REPS1: variants seen among roughly 807,000 people sequenced by gnomAD.
REPS1 encodes ralBP1-associated Eps domain-containing protein 1.
Under a neutral mutation model 100.9 loss-of-function variants are expected in REPS1, and 39 were observed. The ratio of observed to expected loss-of-function variants is 0.39; its 90% CI spans 0.30 to 0.50. The LOEUF is 0.50. Among genes scored for constraint, REPS1 ranks in the 20% least tolerant of loss-of-function variants. REPS1 has a pLI of 0.86. For missense variants in REPS1, 821 were observed against 968.5 expected, an observed-to-expected ratio of 0.85 and a Z score of 2.02; for synonymous variants, 324 against 340.3, an observed-to-expected ratio of 0.95 and a Z score of 0.53.
chr6:138,984,012 A>G (rs1785102615), intron 1 of REPS1, among the ~76,000 whole-genome samples: 1 of 152,044 alleles, frequency 6.6e-6, no homozygotes, highest in South Asian at 2.1e-4. Flanking sequence ...ATTCTCACCA[A>G]AACACTGCCA....
intron 13 of REPS1, 114 bp from the exon 14 acceptor site, chr6:138,916,090 C>T (rs1312380838): frequency 8.9e-6 from 7 of 790,564 alleles, no homozygotes; most frequent in African/African-American, 6.9e-5. Context: ...GACATTTTCT[C>T]AACACTCAAG....
At position 138,941,486 on chromosome 6, in the gene REPS1, T is replaced by C; in HGVS notation, c.984A>G (p.Glu328=). Residue 328 remains glutamate (E), a synonymous_variant, in exon 8 of 20, where the codon GAA becomes GAG. Transcript: ENST00000450536. ...CACCATCTTTATCAAAGTCTGAGAG[T>C]TCCCTAGAAGATAAGTTTATTGTGA... is the stretch of plus-strand genomic sequence containing the variant. ...LPILELSHIW[E]LSDFDKDGAL... is the part of the protein sequence containing the mutation. 1.2e-6 allele frequency: 2 copies of C among 1,613,080 alleles called. No individual in the cohort carries two copies. The highest frequency in any genetic ancestry group is 1.7e-6 in the Non-Finnish European group (2 of 1,179,314).
intron 1 of REPS1, among the ~76,000 whole-genome samples, chr6:138,959,028 A>G (rs1783573362): frequency 6.6e-6 from 1 of 152,184 alleles, no homozygotes; most frequent in South Asian, 2.1e-4. Context: ...AGGGCCCAAT[A>G]AACGGCAGAG....
intron 10 of REPS1, among the ~76,000 whole-genome samples, chr6:138,925,000 T>C (rs1417716554): frequency 2.0e-5 from 3 of 152,192 alleles, no homozygotes. Context: ...TCTGTTTGAA[T>C]TCAATAAATG....
intron 9 of REPS1, chr6:138,927,606 TTTAAG>T (rs1781219029): frequency 6.6e-6 from 1 of 152,168 alleles, no homozygotes; most frequent in South Asian, 2.1e-4. Context: ...AATAGTGACA[TTTAAG>T]TTGAGAAGAT....
Position 138,907,627 on chromosome 6 carries a change from C to A in REPS1, c.2217-27G>T, listed in dbSNP as rs199867847. ...TGAGAAGATAAAGAAGGCAAAAAAA[C>A]CCATAACCTTCATTTCTTATCTTAA... On this transcript the variant is annotated intron_variant, in intron 18 of 19. Coordinates refer to ENST00000450536, the MANE Select transcript of REPS1 (RefSeq NM_001286611.2). 2.2e-4 allele frequency: 305 copies of A among 1,363,980 alleles called. No homozygotes were observed. In the African/African-American group the frequency reaches 3.8e-3, roughly 17 times the overall value. 84.5% of individuals were successfully genotyped at this position (1,363,980 alleles called of 1,614,324 possible). A position where few individuals can be genotyped will look rare whatever the true frequency, so the allele number is the denominator to read the frequency against.
intron 9 of REPS1, 21 bp from the exon 10 acceptor site, chr6:138,926,502 C>T (rs530979480): frequency 1.3e-6 from 2 of 1,554,324 alleles, no homozygotes; most frequent in South Asian, 2.3e-5. Context: ...AGAGGAGAGA[C>T]AAGTCAGCAT....
At chr6:138,972,176 T>C (rs1380067129) in intron 1 of REPS1, among the ~76,000 whole-genome samples, 3 of 152,088 alleles carry the variant, frequency 2.0e-5, no homozygotes, top group Non-Finnish European at 4.4e-5. Flanking sequence ...GTGAAGTTGT[T>C]CAAATTAATT....
intron 1 of REPS1, among the ~76,000 whole-genome samples, chr6:138,979,498 CT>C (rs1784812925): frequency 6.6e-6 from 1 of 151,992 alleles, no homozygotes; most frequent in Non-Finnish European, 1.5e-5. Flanking sequence ...CCTCAAATCA[CT>C]CAAATCTGGC....
At chr6:138,965,970 T>C (rs1783996934) in intron 1 of REPS1, among the ~76,000 whole-genome samples, 1 of 152,180 alleles carries the variant, frequency 6.6e-6, no homozygotes, top group Non-Finnish European at 1.5e-5. Context: ...TTAAGCACTT[T>C]ATAGCTCATT....
intron 1 of REPS1, among the ~76,000 whole-genome samples, chr6:138,958,714 C>T (rs1410833789): frequency 1.3e-5 from 2 of 152,178 alleles, no homozygotes; most frequent in Non-Finnish European, 2.9e-5. Flanking sequence ...TGGAATAACA[C>T]TATTAACAGT....
chr6:138,947,870 C>T lies in REPS1; in HGVS notation c.197G>A (p.Arg66Lys), dbSNP rs754943689. The change falls in exon 2 of 20, where the codon AGA becomes AAA. Residue 66 changes from arginine (R) to lysine (K), a missense_variant. Physicochemically the swap from Arg to Lys is conservative, Grantham distance 26. This residue lies in a region of REPS1 where 28 missense variants were observed against 65.3 expected (regional missense o/e 0.43). Transcript: ENST00000450536. ...TTTCAAAGCAATGTAGAACTGACTT[C>T]TTCCAAAATAACCAAGTCTTGTTGC... ...CGATRLGYFG[R>K]SQFYIALKLV... 6.2e-7 allele frequency: 1 copy of T among 1,609,722 alleles called. No homozygotes were observed. The highest frequency in any genetic ancestry group is 1.1e-5 in the South Asian group (1 of 89,970).
At position 138,987,761 on chromosome 6, in the gene REPS1, C is replaced by A; in HGVS notation, c.-79G>T. On this transcript the variant is annotated 5_prime_UTR_variant, in exon 1 of 20. Coordinates refer to ENST00000450536, the MANE Select transcript of REPS1 (RefSeq NM_001286611.2). ...CCCCAGGAACCTGGGCCGGCAGGGG[C>A]TGCGCGTGGCCCGGCCTCCTGCTAG... is the stretch of plus-strand genomic sequence containing the variant. 7.1e-7 allele frequency: 1 copy of A among 1,405,138 alleles called. No homozygotes were observed. Among genetic ancestry groups the A allele is most frequent in the South Asian group, 1.6e-5 (1 of 63,988 alleles). The allele number at this position is 1,405,138 out of a possible 1,614,324, so 87.0% of individuals were successfully genotyped here.
intron 8 of REPS1, among the ~76,000 whole-genome samples, chr6:138,931,241 T>C (rs543755537): frequency 6.6e-6 from 1 of 152,220 alleles, no homozygotes; most frequent in Non-Finnish European, 1.5e-5. Context: ...TAGCAATGTA[T>C]AGCTTTTAAC....
chr6:138,945,548 A>T lies in REPS1; in HGVS notation c.427T>A (p.Ser143Thr). Residue 143 changes from serine to threonine, a missense_variant, in exon 3 of 20, where the codon TCC becomes ACC. Physicochemically the swap from Ser to Thr is moderately conservative, Grantham distance 58 (BLOSUM62 1). Coordinates refer to ENST00000450536, the MANE Select transcript of REPS1 (RefSeq NM_001286611.2). Reference sequence around the variant, plus strand: ...GGCTGAACCGTATCATGGCTTACGGATCCCTTTTTCACTTGCCCCCTGCCA... The same window carrying T: ...GGCTGAACCGTATCATGGCTTACGGTTCCCTTTTTCACTTGCCCCCTGCCA... Reference protein sequence around the residue: ...PPGRGQVKKGSVSHDTVQPRT... With the variant: ...PPGRGQVKKGTVSHDTVQPRT... 6.2e-7 allele frequency: 1 copy of T among 1,611,626 alleles called. No individual in the cohort carries two copies. Among genetic ancestry groups the T allele is most frequent in the Non-Finnish European group, 8.5e-7 (1 of 1,179,312 alleles).
At chr6:138,937,527 A>T (rs1473907522) in intron 8 of REPS1, among the ~76,000 whole-genome samples, 2 of 152,084 alleles carry the variant, frequency 1.3e-5, no homozygotes, top group Non-Finnish European at 2.9e-5. Flanking sequence ...GGCTTAAAAA[A>T]AATTCGTGTT....
chr6:138,982,731 T>C (rs1785024115), intron 1 of REPS1, among the ~76,000 whole-genome samples: 1 of 152,242 alleles, frequency 6.6e-6, no homozygotes, highest in African/African-American at 2.4e-5. Context: ...CTCCTTCACT[T>C]TGTCTATTGA....
At chr6:138,939,807 T>C (rs1782107781) in intron 8 of REPS1, among the ~76,000 whole-genome samples, 1 of 152,202 alleles carries the variant, frequency 6.6e-6, no homozygotes, top group South Asian at 2.1e-4. Context: ...TGAATCAAAA[T>C]TACCTAATAA....
Position 138,945,650 on chromosome 6 carries a change from C to G in REPS1, c.325G>C (p.Glu109Gln), listed in dbSNP as rs1449122080. The G allele has an allele frequency of 6.2e-7, 1 of 1,611,794 alleles. No homozygotes were observed. Among genetic ancestry groups the G allele is most frequent in the Non-Finnish European group, 8.5e-7 (1 of 1,179,174 alleles). ...GAATATGAGGCTGCATGGCGAGATT[C>G]CTGTTCATTCTTTGAAGCAACAAAT... ...PRFVASKNEQ[E>Q]SRHAASYSSD... The change falls in exon 3 of 20, where the codon GAA (glutamate) becomes CAA (glutamine). Residue 109 changes from glutamate (E) to glutamine (Q), a missense_variant. By Grantham distance (29) the Glu-to-Gln change is conservative (BLOSUM62 2). Coordinates refer to ENST00000450536, the MANE Select transcript of REPS1 (RefSeq NM_001286611.2).
Sources: gnomAD v4.1 joint callset for allele counts (sites outside exome capture counted in the v4.1 genomes callset) on GRCh38, gnomAD v4.1.1 for gene constraint, gnomAD v4.1.1 regional missense constraint, MANE v1.5 for transcripts, NCBI Gene and HGNC (gene_info 2026-07-23, HGNC 2026-07-21) for gene names.